ADAMTSL3: variants seen among roughly 807,000 people sequenced by gnomAD.
The protein encoded by ADAMTSL3 is ADAMTS like 3.
A neutral mutation model predicts 201.7 loss-of-function variants in ADAMTSL3; 128 were observed. The ratio of observed to expected loss-of-function variants is 0.63; its 90% CI spans 0.55 to 0.73. The LOEUF is 0.73. ADAMTSL3 is among the 30% of genes least tolerant of loss of function. The probability of loss-of-function intolerance (pLI) is 0.00; values close to 1 mark genes in which losing one functional copy is unlikely to be tolerated. For synonymous variants in ADAMTSL3, 738 were observed against 748.4 expected, an observed-to-expected ratio of 0.99 and a Z score of 0.23; for missense variants, 1,990 against 2,119.6, an observed-to-expected ratio of 0.94 and a Z score of 1.20.
intron 8 of ADAMTSL3, among the ~76,000 whole-genome samples, chr15:83,864,910 G>A (rs1193793789): frequency 6.6e-6 from 1 of 152,166 alleles, no homozygotes; most frequent in East Asian, 1.9e-4. Context: ...GGCAACTTCA[G>A]CAAAGTCTCA....
intron 3 of ADAMTSL3, among the ~76,000 whole-genome samples, chr15:83,764,554 G>T (rs1225474784): frequency 1.3e-5 from 2 of 152,042 alleles, no homozygotes; most frequent in Non-Finnish European, 2.9e-5. Context: ...CTCTCTTTGT[G>T]GGTTGCTGTG....
intron 11 of ADAMTSL3, 82 bp from the exon 12 acceptor site, chr15:83,891,247 G>T: frequency 1.7e-6 from 2 of 1,196,000 alleles, no homozygotes; most frequent in Non-Finnish European, 2.5e-6. Flanking sequence ...TGTCTCTTGG[G>T]ATGTCAAATA....
chr15:83,765,769 A>G (rs1172879649), intron 3 of ADAMTSL3, among the ~76,000 whole-genome samples: 1 of 152,202 alleles, frequency 6.6e-6, no homozygotes, highest in East Asian at 1.9e-4. Context: ...ATTTCCTAAG[A>G]GATCCTTAAG....
Position 83,858,771 on chromosome 15 carries a change from G to C in ADAMTSL3, c.733G>C (p.Glu245Gln), listed in dbSNP as rs2064794638. 1 of 1,613,480 alleles carries C rather than the reference G, an allele frequency of 6.2e-7. No homozygotes were observed. Among genetic ancestry groups the C allele is most frequent in the African/African-American group, 1.3e-5 (1 of 74,910 alleles). Residue 245 changes from glutamate (E) to glutamine (Q), a missense_variant, in exon 8 of 30, where the codon GAA becomes CAA. Coordinates refer to ENST00000286744, the MANE Select transcript of ADAMTSL3 (RefSeq NM_207517.3). ...TGCGTTCTGTTCTTTCCCAGGAGAA[G>C]AAAATGTAATTGCTGTTCCTTTGGG... The part of the protein sequence containing the change: ...KSHVSPEKRE[E>Q]NVIAVPLGSR...
At chr15:83,811,713 G>A (rs2063701282) in intron 5 of ADAMTSL3, among the ~76,000 whole-genome samples, 1 of 152,220 alleles carries the variant, frequency 6.6e-6, no homozygotes, top group Non-Finnish European at 1.5e-5. Flanking sequence ...TAGGAAGGAG[G>A]TGGAGAAGCA....
chr15:84,001,444 G>T (rs2067790275), intron 23 of ADAMTSL3, among the ~76,000 whole-genome samples: 1 of 152,156 alleles, frequency 6.6e-6, no homozygotes, highest in Admixed American at 6.5e-5. Context: ...TATTTGTTTT[G>T]CAGATAAGGA....
chr15:83,655,903 A>C (rs1466516783), intron 2 of ADAMTSL3, 73 bp downstream of exon 2: 1 of 1,441,572 alleles, frequency 6.9e-7, no homozygotes, highest in Non-Finnish European at 9.6e-7. Context: ...ATTGTATACC[A>C]CCTAAGATGT....
At chr15:83,754,285 T>C (rs1159057657) in intron 3 of ADAMTSL3, among the ~76,000 whole-genome samples, 1 of 152,194 alleles carries the variant, frequency 6.6e-6, no homozygotes, top group Non-Finnish European at 1.5e-5. Flanking sequence ...TAATAATCTG[T>C]AGCATCTGAC....
chr15:83,875,580 C>A (rs901878484), intron 9 of ADAMTSL3, among the ~76,000 whole-genome samples: 1 of 152,000 alleles, frequency 6.6e-6, no homozygotes, highest in East Asian at 1.9e-4. Flanking sequence ...ATCAGGAGAT[C>A]AAGACCATCC....
At chr15:83,903,427 C>T (rs2065765986) in intron 15 of ADAMTSL3, among the ~76,000 whole-genome samples, 2 of 152,034 alleles carry the variant, frequency 1.3e-5, no homozygotes, top group South Asian at 4.2e-4. Flanking sequence ...AGCAATAACT[C>T]CCTACTCCCT....
At chr15:83,664,069 A>T (rs988366210) in intron 2 of ADAMTSL3, among the ~76,000 whole-genome samples, 1 of 152,170 alleles carries the variant, frequency 6.6e-6, no homozygotes, top group Admixed American at 6.5e-5. Context: ...CCTGGGGGTT[A>T]TCAGGTGGAG....
At chr15:83,960,485 A>G (rs2142091690) in intron 19 of ADAMTSL3, among the ~76,000 whole-genome samples, 1 of 152,312 alleles carries the variant, frequency 6.6e-6, no homozygotes, top group East Asian at 1.9e-4. Flanking sequence ...GACAGAGACT[A>G]GATCCTGGAT....
intron 4 of ADAMTSL3, among the ~76,000 whole-genome samples, chr15:83,774,203 T>G (rs946864816): frequency 3.9e-5 from 6 of 152,246 alleles, no homozygotes; most frequent in Non-Finnish European, 8.8e-5. Flanking sequence ...TAATTCCCAG[T>G]CAAGGATTTT....
chr15:83,737,201 G>A (rs920177208), intron 3 of ADAMTSL3, among the ~76,000 whole-genome samples: 1 of 152,102 alleles, frequency 6.6e-6, no homozygotes, highest in African/African-American at 2.4e-5. Flanking sequence ...AGTGTAAAAA[G>A]GCTTAGAAAT....
At chr15:83,955,250 C>T (rs1212504255) in intron 19 of ADAMTSL3, among the ~76,000 whole-genome samples, 1 of 152,216 alleles carries the variant, frequency 6.6e-6, no homozygotes, top group East Asian at 1.9e-4. Context: ...CCTTCCCCCT[C>T]TTCCCTCCCC....
intron 6 of ADAMTSL3, among the ~76,000 whole-genome samples, chr15:83,823,916 C>T (rs572236222): frequency 1.1e-5 from 1 of 88,000 alleles, no homozygotes; most frequent in Non-Finnish European, 2.5e-5. Context: ...TCTTCTTCTT[C>T]TTCTTCTTCT....
chr15:83,898,393 G>A (rs752334827), intron 14 of ADAMTSL3, among the ~76,000 whole-genome samples: 10 of 152,186 alleles, frequency 6.6e-5, no homozygotes, highest in Non-Finnish European at 1.0e-4. Flanking sequence ...AGAGGAAGAA[G>A]TAGAGGAGGA....
intron 3 of ADAMTSL3, among the ~76,000 whole-genome samples, chr15:83,714,864 CCCTCCCTCCCTCCCTTCCTTCCTT>C (rs1387407843): frequency 0.062 from 5,134 of 82,198 alleles, 516 homozygotes; most frequent in Admixed American, 0.13. Flanking sequence ...CTCCCTCCCT[CCCTCCCTCCCTCCCTTCCTTCCTT>C]CCTTCCTTCC....
At position 83,938,595 on chromosome 15, in the gene ADAMTSL3, G is replaced by T. The variant is rs571804290; in HGVS notation, c.2118-4001G>T. Among the ~76,000 whole-genome samples the T allele has an allele frequency of 2.0e-5, 3 of 152,030 alleles. No individual in the cohort carries two copies. The East Asian group carries it at 5.8e-4, about 29-fold the overall frequency. On this transcript the variant is annotated intron_variant, in intron 17 of 29. Transcript: ENST00000286744. ...TTGTTATGGTTACATTTTCTTTTGG[G>T]TGCAAGTTTTTTCTCTGGAGTTGGC...
Sources: gnomAD v4.1 joint callset for allele counts (sites outside exome capture counted in the v4.1 genomes callset) on GRCh38, gnomAD v4.1.1 for gene constraint, MANE v1.5 for transcripts, NCBI Gene and HGNC (gene_info 2026-07-23, HGNC 2026-07-21) for gene names.